The following TNS1 variants were observed in gnomAD, a reference collection of about 807,000 sequenced individuals.
TNS1 encodes tensin 1.
In TNS1, 62 loss-of-function variants were observed where a neutral mutation model predicts 168.6. The ratio of observed to expected loss-of-function variants is 0.37; its 90% CI spans 0.30 to 0.45. The LOEUF (loss-of-function observed/expected upper bound fraction) is 0.45, where lower values mean the gene tolerates loss of function less well. Among genes scored for constraint, TNS1 ranks in the 20% least tolerant of loss-of-function variants. TNS1 has a pLI of 1.00. For missense variants in TNS1, 2,240 were observed against 2,339.4 expected (o/e 0.96, Z 0.88); for synonymous variants, 934 against 933.2 (o/e 1.00, Z -0.02).
At chr2:217,978,498 G>T (rs1449905322) in intron 3 of TNS1, among the ~76,000 whole-genome samples, 4 of 150,216 alleles carry the variant, frequency 2.7e-5, no homozygotes, top group Admixed American at 2.7e-4. Context: ...GTCCCCATCA[G>T]CCACCCCCGG....
Position 217,847,508 on chromosome 2 carries a change from A to C in TNS1, c.3007+2T>G. On this transcript the variant is annotated splice_donor_variant, in intron 19 of 32. Coordinates refer to ENST00000682258, the MANE Select transcript of TNS1 (RefSeq NM_001387777.1). LOFTEE classifies it high-confidence loss of function. ...AAGGAGTCAGGACTGAATACCTCTT[A>C]CCTGCTACCCTGTGGGCCACCAGCC... 6.9e-7 allele frequency: 1 copy of C among 1,457,996 alleles called. No individual in the cohort carries two copies. The highest frequency in any genetic ancestry group is 9.1e-7 in the Non-Finnish European group (1 of 1,098,068). 90.3% of individuals were successfully genotyped at this position (1,457,996 alleles called of 1,614,324 possible).
chr2:217,837,476 G>A (rs966184196), intron 19 of TNS1, among the ~76,000 whole-genome samples: 3 of 152,210 alleles, frequency 2.0e-5, no homozygotes, highest in Non-Finnish European at 4.4e-5. Context: ...CACTCACATA[G>A]GCACAGCCAC....
intron 1 of TNS1, among the ~76,000 whole-genome samples, chr2:218,021,031 CA>C (rs1958802482): frequency 6.6e-6 from 1 of 152,144 alleles, no homozygotes; most frequent in African/African-American, 2.4e-5. Flanking sequence ...ATTCTGAGAA[CA>C]AAAAAGGCCT....
rs1485336584 is a variant in TNS1, at chr2:217,800,418, T to C, written c.*4041A>G. 1 of 152,220 alleles carries C rather than the reference T, an allele frequency of 6.6e-6. No individual in the cohort carries two copies. The highest frequency in any genetic ancestry group is 2.4e-5 in the African/African-American group (1 of 41,428). 9.4% of individuals were successfully genotyped at this position (152,220 alleles called of 1,614,324 possible). A position where few individuals can be genotyped will look rare whatever the true frequency, so the allele number is the denominator to read the frequency against. ...TATCGCTGAGACTCCACCAATTGGTTGGCCTACAGGCCTCACCTCCCGACT... is the reference window on the plus strand; with the variant it reads ...TATCGCTGAGACTCCACCAATTGGTCGGCCTACAGGCCTCACCTCCCGACT... On this transcript the variant is annotated 3_prime_UTR_variant, in exon 33 of 33. Transcript: ENST00000682258.
chr2:217,979,981 G>A (rs986963411), intron 2 of TNS1, among the ~76,000 whole-genome samples: 4 of 152,064 alleles, frequency 2.6e-5, no homozygotes, highest in Admixed American at 2.0e-4. Flanking sequence ...ATGAATGCCC[G>A]GAGCAGCCCA....
intron 18 of TNS1, among the ~76,000 whole-genome samples, chr2:217,861,890 A>G (rs916186640): frequency 1.3e-5 from 2 of 152,098 alleles, no homozygotes; most frequent in Non-Finnish European, 2.9e-5. Flanking sequence ...TCACCAGCCC[A>G]TATGTATCAC....
chr2:218,028,381 T>C (rs1958866996), intron 1 of TNS1, among the ~76,000 whole-genome samples: 1 of 152,138 alleles, frequency 6.6e-6, no homozygotes, highest in South Asian at 2.1e-4. Context: ...ATCACCACCA[T>C]CCTCTTGCAC....
intron 1 of TNS1, among the ~76,000 whole-genome samples, chr2:218,016,003 AGAGT>A (rs541593056): frequency 2.5e-3 from 380 of 151,130 alleles, no homozygotes; most frequent in Middle Eastern, 6.8e-3. Context: ...ACTAGGAGAG[AGAGT>A]GAGATGAATG....
At chr2:217,947,143 C>T (rs953629548) in intron 3 of TNS1, among the ~76,000 whole-genome samples, 4 of 152,050 alleles carry the variant, frequency 2.6e-5, no homozygotes, top group Non-Finnish European at 5.9e-5. Context: ...ACCCATGCTC[C>T]TCTCCTTGTC....
chr2:217,994,722 A>T lies in TNS1; in HGVS notation c.34-3666T>A, dbSNP rs182663857. Among the ~76,000 whole-genome samples the T allele has an allele frequency of 5.3e-5, 8 of 152,300 alleles. No individual in the cohort carries two copies. The East Asian group carries it at 1.5e-3, about 29-fold the overall frequency. ...CTGCCCTGGCAGCCCAGCCCCAAGAAATCTGAGTTTACAAAATATTTCCCC... is the reference window on the plus strand; with the variant it reads ...CTGCCCTGGCAGCCCAGCCCCAAGATATCTGAGTTTACAAAATATTTCCCC... On this transcript the variant is annotated intron_variant, in intron 1 of 32. Transcript: ENST00000682258.
At chr2:217,978,617 C>T (rs1296811589) in intron 3 of TNS1, 148 bp downstream of exon 3, 2 of 519,702 alleles carry the variant, frequency 3.8e-6, no homozygotes, top group Admixed American at 3.4e-5. Flanking sequence ...GCGCCCGCTC[C>T]CAGGCCCAGG....
intron 9 of TNS1, 39 bp from the exon 10 acceptor site, chr2:217,893,600 C>T (rs375585866): frequency 1.9e-5 from 30 of 1,568,022 alleles, no homozygotes; most frequent in Non-Finnish European, 2.6e-5. Context: ...GGCAGAAGCC[C>T]TGCAGAGCCA....
chr2:217,825,535 A>T (rs1360473900), intron 22 of TNS1, among the ~76,000 whole-genome samples: 1 of 152,186 alleles, frequency 6.6e-6, no homozygotes, highest in Non-Finnish European at 1.5e-5. Flanking sequence ...TGACCCACAC[A>T]TTAGGTAAGC....
At chr2:217,889,827 G>A (rs1951564203) in intron 12 of TNS1, among the ~76,000 whole-genome samples, 1 of 152,234 alleles carries the variant, frequency 6.6e-6, no homozygotes, top group Non-Finnish European at 1.5e-5. Flanking sequence ...GCAGCAAACA[G>A]AGCTGGGCCT....
chr2:217,846,233 G>A (rs1184936460), intron 19 of TNS1, among the ~76,000 whole-genome samples: 3 of 152,134 alleles, frequency 2.0e-5, no homozygotes, highest in Non-Finnish European at 4.4e-5. Flanking sequence ...CAATTTCCAT[G>A]GTGTAAATAC....
chr2:217,904,325 A>T (rs573188779), intron 6 of TNS1, among the ~76,000 whole-genome samples: 1 of 152,342 alleles, frequency 6.6e-6, no homozygotes, highest in East Asian at 1.9e-4. Flanking sequence ...AGACAGCAAC[A>T]CAGCTTGACA....
chr2:217,832,835 T>A (rs1344806652), intron 21 of TNS1, among the ~76,000 whole-genome samples: 1 of 152,058 alleles, frequency 6.6e-6, no homozygotes, highest in African/African-American at 2.4e-5. Flanking sequence ...AAACACAGCA[T>A]AGGGGACAAA....
intron 21 of TNS1, among the ~76,000 whole-genome samples, chr2:217,834,486 T>C (rs978315550): frequency 3.3e-5 from 5 of 152,248 alleles, no homozygotes; most frequent in Admixed American, 6.5e-5. Context: ...CACTGCCCCA[T>C]GCCTTGGCTC....
upstream of TNS1, among the ~76,000 whole-genome samples, chr2:218,014,950 A>C (rs1313110687): frequency 6.6e-6 from 1 of 151,552 alleles, no homozygotes; most frequent in East Asian, 1.9e-4. Context: ...GCAGGCAGGC[A>C]AGGCCAAGCC....
Sources: gnomAD v4.1 joint callset for allele counts (sites outside exome capture counted in the v4.1 genomes callset) on GRCh38, gnomAD v4.1.1 for gene constraint, MANE v1.5 for transcripts, NCBI Gene and HGNC (gene_info 2026-07-23, HGNC 2026-07-21) for gene names.